Variants in ZBTB7C observed in about 807,000 individuals in gnomAD.
The protein encoded by ZBTB7C is zinc finger and BTB domain containing 7C.
In ZBTB7C, 8 loss-of-function variants were observed where a neutral mutation model predicts 25.7. The observed-to-expected ratio is 0.31, with a 90% CI of 0.18 to 0.56. The LOEUF is 0.56. ZBTB7C is among the 20% of genes least tolerant of loss of function. The pLI, the probability that ZBTB7C is intolerant of heterozygous loss-of-function variation, is 0.91. For missense variants in ZBTB7C, 824 were observed against 855.2 expected (o/e 0.96, Z 0.46); for synonymous variants, 394 against 369.0 (o/e 1.07, Z -0.78).
chr18:48,245,774 T>C (rs2043676121), intron 2 of ZBTB7C, among the ~76,000 whole-genome samples: 1 of 151,984 alleles, frequency 6.6e-6, no homozygotes. Flanking sequence ...CAGAAAGCAA[T>C]CAGACAAAAA....
intron 2 of ZBTB7C, among the ~76,000 whole-genome samples, chr18:48,287,805 C>T (rs902436057): frequency 1.3e-5 from 2 of 152,126 alleles, no homozygotes; most frequent in African/African-American, 4.8e-5. Context: ...TTAAAAGAGA[C>T]TAATCATATA....
At chr18:48,081,833 A>G (rs1259442275) in intron 3 of ZBTB7C, among the ~76,000 whole-genome samples, 1 of 152,226 alleles carries the variant, frequency 6.6e-6, no homozygotes, top group African/African-American at 2.4e-5. Context: ...GATGAGCTGC[A>G]AGTGGAAGAT....
intron 3 of ZBTB7C, among the ~76,000 whole-genome samples, chr18:48,051,303 C>T (rs535779527): frequency 2.6e-5 from 4 of 152,316 alleles, no homozygotes; most frequent in South Asian, 2.1e-4. Context: ...GGAAGCCTCA[C>T]ACCTGGGCTT....
chr18:48,155,393 T>G (rs1272910551), intron 3 of ZBTB7C, among the ~76,000 whole-genome samples: 1 of 143,832 alleles, frequency 7.0e-6, no homozygotes, highest in African/African-American at 2.6e-5. Flanking sequence ...AGTGGTGCAA[T>G]CTTGGCTCAC....
intron 2 of ZBTB7C, among the ~76,000 whole-genome samples, chr18:48,209,355 A>T (rs1324355292): frequency 6.6e-6 from 1 of 152,266 alleles, no homozygotes; most frequent in Non-Finnish European, 1.5e-5. Context: ...ACATTGGAGC[A>T]GATACAACAA....
chr18:48,374,882 C>T (rs905599826), intron 1 of ZBTB7C, among the ~76,000 whole-genome samples: 2 of 152,228 alleles, frequency 1.3e-5, no homozygotes, highest in South Asian at 2.1e-4. Flanking sequence ...AGCTAGACCC[C>T]GGCAGACAGC....
intron 3 of ZBTB7C, among the ~76,000 whole-genome samples, chr18:48,119,394 T>C (rs1049291254): frequency 2.0e-5 from 3 of 152,070 alleles, no homozygotes; most frequent in Non-Finnish European, 4.4e-5. Flanking sequence ...TGCAAGCGAG[T>C]CTTTGTTCCT....
At chr18:48,287,803 G>A (rs1250712597) in intron 2 of ZBTB7C, among the ~76,000 whole-genome samples, 5 of 152,156 alleles carry the variant, frequency 3.3e-5, no homozygotes, top group African/African-American at 1.2e-4. Context: ...AATTAAAAGA[G>A]ACTAATCATA....
intron 1 of ZBTB7C, among the ~76,000 whole-genome samples, chr18:48,402,915 T>G (rs2048194149): frequency 6.6e-6 from 1 of 152,244 alleles, no homozygotes; most frequent in Non-Finnish European, 1.5e-5. Flanking sequence ...TGCTAATAGT[T>G]TTTTAATTTC....
chr18:48,069,395 C>A (rs190440296), intron 3 of ZBTB7C, among the ~76,000 whole-genome samples: 6 of 152,188 alleles, frequency 3.9e-5, no homozygotes, highest in Non-Finnish European at 1.5e-5. Context: ...TGTTCCTGAC[C>A]GGATTTACAG....
chr18:48,133,601 ATTT>A (rs10578146), intron 3 of ZBTB7C, among the ~76,000 whole-genome samples: 21,739 of 142,988 alleles, frequency 0.15, 1,672 homozygotes, highest in African/African-American at 0.19. Context: ...TCCCCACGCT[ATTT>A]TTTTTTTTTT....
intron 3 of ZBTB7C, among the ~76,000 whole-genome samples, chr18:48,048,823 C>T (rs1245549741): frequency 6.6e-6 from 1 of 152,166 alleles, no homozygotes; most frequent in Non-Finnish European, 1.5e-5. Context: ...TTCGGAGCAT[C>T]ACCATCTTCT....
intron 3 of ZBTB7C, among the ~76,000 whole-genome samples, chr18:48,057,050 C>CAAAAA (rs11380205): frequency 7.0e-4 from 45 of 64,256 alleles, no homozygotes; most frequent in African/African-American, 2.2e-3. Context: ...GAAAAATTGT[C>CAAAAA]AAAAAAAAAA....
chr18:48,367,175 T>TTATATCTATATA (rs2047243160), intron 1 of ZBTB7C, among the ~76,000 whole-genome samples: 1 of 62,278 alleles, frequency 1.6e-5, no homozygotes, highest in Non-Finnish European at 3.1e-5. Flanking sequence ...TCCCCAAGTT[T>TTATATCTATATA]TATATATATA....
chr18:48,410,790 C>G (rs890825225), upstream of ZBTB7C: 1 of 152,258 alleles, frequency 6.6e-6, no homozygotes, highest in African/African-American at 2.4e-5. Flanking sequence ...TCCGGGGCTC[C>G]TCCCTCAGAA....
chr18:48,044,660 C>T (rs1269556535), intron 3 of ZBTB7C, among the ~76,000 whole-genome samples: 1 of 152,244 alleles, frequency 6.6e-6, no homozygotes, highest in Non-Finnish European at 1.5e-5. Flanking sequence ...CATCAGATAC[C>T]TGTCCCACCT....
At chr18:48,110,158 C>T (rs1269996848) in intron 3 of ZBTB7C, among the ~76,000 whole-genome samples, 1 of 152,228 alleles carries the variant, frequency 6.6e-6, no homozygotes, top group African/African-American at 2.4e-5. Flanking sequence ...AGACAAGGCA[C>T]AGTATTGTCT....
At chr18:48,366,849 A>G (rs2047232389) in intron 1 of ZBTB7C, among the ~76,000 whole-genome samples, 1 of 152,126 alleles carries the variant, frequency 6.6e-6, no homozygotes, top group African/African-American at 2.4e-5. Flanking sequence ...AATCAGTGCC[A>G]CTACCATATA....
chr18:48,147,969 C>G (rs1291591175), intron 3 of ZBTB7C: 1 of 151,852 alleles, frequency 6.6e-6, no homozygotes, highest in Non-Finnish European at 1.5e-5. Flanking sequence ...TCTGCCTAAC[C>G]CCTCCAGAAT....
Sources: allele counts gnomAD v4.1 joint callset (sites outside exome capture counted in the v4.1 genomes callset), GRCh38; gene constraint gnomAD v4.1.1; transcripts MANE v1.5; gene names NCBI Gene and HGNC (gene_info 2026-07-23, HGNC 2026-07-21).